SERBP1: variants seen among roughly 807,000 people sequenced by gnomAD.
The protein encoded by SERBP1 is SERPINE1 mRNA binding protein 1.
In SERBP1, 6 loss-of-function variants were observed where a neutral mutation model predicts 50.2. The ratio of observed to expected loss-of-function variants is 0.12; its 90% CI spans 0.07 to 0.24. The LOEUF is 0.24. Among genes scored for constraint, SERBP1 ranks in the 10% least tolerant of loss-of-function variants. SERBP1 has a pLI of 1.00. For synonymous variants in SERBP1, 168 were observed against 182.8 expected (o/e 0.92, Z 0.65); for missense variants, 346 against 524.9 (o/e 0.66, Z 3.33).
rs562946425 is a variant in SERBP1 at position 67,425,508 on chromosome 1, T to C, written c.465-285A>G. ...ACATATAATCCAGTCCATCACTATTTACCAATACACTTAAAAATTAAACAC... is the reference window on the plus strand; with the variant it reads ...ACATATAATCCAGTCCATCACTATTCACCAATACACTTAAAAATTAAACAC... On this transcript the variant is annotated intron_variant, in intron 2 of 7. Transcript: ENST00000361219. Among the ~76,000 whole-genome samples, 16 of 152,344 alleles carry C rather than the reference T, an allele frequency of 1.1e-4. No homozygotes were observed. The South Asian group carries it at 2.1e-3, about 20-fold the overall frequency.
At chr1:67,415,410 C>G in intron 6 of SERBP1, 71 bp from the exon 7 acceptor site, 5 of 1,415,030 alleles carry the variant, frequency 3.5e-6, no homozygotes, top group Non-Finnish European at 4.7e-6. Flanking sequence ...AAATAATGAG[C>G]TTTCTTCTAA....
rs543251799 is a variant in SERBP1, at chr1:67,422,940, C to T, written c.773+1260G>A. On this transcript the variant is annotated intron_variant, in intron 5 of 7. Coordinates refer to ENST00000361219, the MANE Select transcript of SERBP1 (RefSeq NM_001018069.2). ...AGCGCCACTGTTACTTCAGCCTGGGCAACAGAGCGAGAATGTCTCCAAACA... is the reference window on the plus strand; with the variant it reads ...AGCGCCACTGTTACTTCAGCCTGGGTAACAGAGCGAGAATGTCTCCAAACA... Among the ~76,000 whole-genome samples, 3 of 150,240 alleles carry T rather than the reference C, an allele frequency of 2.0e-5. No individual in the cohort carries two copies. In the East Asian group the frequency reaches 5.9e-4, roughly 30 times the overall value.
chr1:67,424,166 C>A (rs139574930), intron 5 of SERBP1, 34 bp downstream of exon 5: 1 of 1,572,602 alleles, frequency 6.4e-7, no homozygotes, highest in Non-Finnish European at 8.6e-7. Context: ...GCTTTCAATT[C>A]TGGGTCATTA....
At chr1:67,414,110 A>G (rs183205134) in intron 7 of SERBP1, among the ~76,000 whole-genome samples, 19 of 152,330 alleles carry the variant, frequency 1.2e-4, no homozygotes, top group Admixed American at 9.1e-4. Flanking sequence ...ACTTTTTCCA[A>G]TAAACCATAC....
chr1:67,421,278 C>G (rs17130001), intron 5 of SERBP1, among the ~76,000 whole-genome samples: 2,520 of 152,244 alleles, frequency 0.017, 72 homozygotes, highest in African/African-American at 0.058. Context: ...TGTTATGACA[C>G]AGCCAGGAAT....
At chr1:67,429,947 C>T in intron 1 of SERBP1, 41 bp downstream of exon 1, 2 of 1,533,124 alleles carry the variant, frequency 1.3e-6, no homozygotes, top group Non-Finnish European at 1.8e-6. Flanking sequence ...CTCGCTCCTT[C>T]CCTCCATCCC....
In SERBP1 at chr1:67,410,702, T is replaced by A. The variant is rs1243633916; in HGVS notation, c.*2505A>T. On this transcript the variant is annotated 3_prime_UTR_variant, in exon 8 of 8. Coordinates refer to ENST00000361219, the MANE Select transcript of SERBP1 (RefSeq NM_001018069.2). ...TAGGAATCTTTATCTGTTTAGGGAT[T>A]TTTCCCCTAGACTATTATAGCCAGT... is the stretch of plus-strand genomic sequence containing the variant. 3 of 152,146 alleles carry A rather than the reference T, an allele frequency of 2.0e-5. No homozygotes were observed. Among genetic ancestry groups the A allele is most frequent in the Non-Finnish European group, 4.4e-5 (3 of 68,010 alleles). The allele number at this position is 152,146 out of a possible 1,614,324, so 9.4% of individuals were successfully genotyped here. A position where few individuals can be genotyped will look rare whatever the true frequency, so the allele number is the denominator to read the frequency against.
chr1:67,417,545 C>G (rs1307788862), intron 6 of SERBP1, among the ~76,000 whole-genome samples: 1 of 151,460 alleles, frequency 6.6e-6, no homozygotes, highest in Non-Finnish European at 1.5e-5. Flanking sequence ...CAGTCTTGCT[C>G]TGTCAACTAG....
rs1361099568 is a variant in SERBP1, at chr1:67,430,153, C to T, written c.148G>A (p.Gly50Arg). The T allele has an allele frequency of 6.2e-7, 1 of 1,611,208 alleles. No individual in the cohort carries two copies. The highest frequency in any genetic ancestry group is 1.7e-5 in the Admixed American group (1 of 59,916). Reference sequence around the variant, plus strand: ...GCGGCCTGAGCTGCGCTCTTGGCCCCAGGGCCCCCAACGCCGCCCCCGCCG... The same window carrying T: ...GCGGCCTGAGCTGCGCTCTTGGCCCTAGGGCCCCCAACGCCGCCCCCGCCG... ...EAGGGGVGGP[G>R]AKSAAQAAAQ... The change falls in exon 1 of 8, where the codon GGG (glycine) becomes AGG (arginine). Residue 50 changes from glycine to arginine, a missense_variant. Physicochemically the swap from Gly to Arg is moderately radical, Grantham distance 125 (BLOSUM62 -2). Coordinates refer to ENST00000361219, the MANE Select transcript of SERBP1 (RefSeq NM_001018069.2).
intron 6 of SERBP1, among the ~76,000 whole-genome samples, chr1:67,418,488 T>C (rs2100422096): frequency 6.6e-6 from 1 of 152,264 alleles, no homozygotes; most frequent in East Asian, 1.9e-4. Context: ...CTGGGCATGG[T>C]GGCACACGCC....
At chr1:67,417,978 T>TG (rs946703422) in intron 6 of SERBP1, among the ~76,000 whole-genome samples, 1 of 138,216 alleles carries the variant, frequency 7.2e-6, no homozygotes. Context: ...GTTGTTTTTT[T>TG]TTTTTTTTTT....
chr1:67,418,344 T>G (rs1667093602), intron 6 of SERBP1, among the ~76,000 whole-genome samples: 2 of 152,154 alleles, frequency 1.3e-5, no homozygotes, highest in African/African-American at 4.8e-5. Context: ...CATTTACTAC[T>G]CATATGAAGT....
intron 6 of SERBP1, among the ~76,000 whole-genome samples, chr1:67,416,015 T>TC (rs1666994045): frequency 2.0e-5 from 3 of 149,732 alleles, no homozygotes; most frequent in Middle Eastern, 3.4e-3. Flanking sequence ...AGGAACCTTT[T>TC]TTTTTTTTTT....
chr1:67,429,500 G>C (rs562276411), intron 1 of SERBP1: 1 of 153,212 alleles, frequency 6.5e-6, no homozygotes, highest in South Asian at 2.0e-4. Flanking sequence ...GGGATACTCC[G>C]CGCCGTCGTG....
At position 67,409,734 on chromosome 1, in the gene SERBP1, G is replaced by A. The variant is rs1666767569; in HGVS notation, c.*3473C>T. On this transcript the variant is annotated 3_prime_UTR_variant, in exon 8 of 8. Transcript: ENST00000361219. ...AGAGGTAATCCCAGGGCACAGCTTA[G>A]GCCAAATAACCCAAATTTCTGGGAA... The A allele has an allele frequency of 6.6e-6, 1 of 152,112 alleles. No homozygotes were observed. The highest frequency in any genetic ancestry group is 1.5e-5 in the Non-Finnish European group (1 of 68,018). The allele number at this position is 152,112 out of a possible 1,614,324, so 9.4% of individuals were successfully genotyped here.
chr1:67,426,176 T>C lies in SERBP1; in HGVS notation c.423A>G (p.Pro141=), dbSNP rs771364919. The change falls in exon 2 of 8, where the codon CCA becomes CCG. Residue 141 remains proline (P), a synonymous_variant. Coordinates refer to ENST00000361219, the MANE Select transcript of SERBP1 (RefSeq NM_001018069.2). Reference sequence around the variant, plus strand: ...CGCCTCCTTCACCCTTTTCTTCAAGTGGCTTTTCGAATCTTCGTTCACGAG... The same window carrying C: ...CGCCTCCTTCACCCTTTTCTTCAAGCGGCTTTTCGAATCTTCGTTCACGAG... The part of the protein sequence containing the change: ...RPPRERRFEK[P]LEEKGEGGEF... 1 of 1,608,942 alleles carries C rather than the reference T, an allele frequency of 6.2e-7. No individual in the cohort carries two copies. The highest frequency in any genetic ancestry group is 8.5e-7 in the Non-Finnish European group (1 of 1,178,348).
intron 5 of SERBP1, among the ~76,000 whole-genome samples, chr1:67,422,444 A>T (rs1003265743): frequency 6.6e-6 from 1 of 151,584 alleles, no homozygotes; most frequent in Non-Finnish European, 1.5e-5. Context: ...CTGGAGGCAG[A>T]GGTTGCAGTG....
intron 6 of SERBP1, chr1:67,419,713 T>C: frequency 3.5e-6 from 1 of 287,478 alleles, no homozygotes; most frequent in Admixed American, 4.9e-5. Flanking sequence ...ACCACAACTT[T>C]GAAAAGAACT....
chr1:67,423,717 A>G (rs1570298764), intron 5 of SERBP1, among the ~76,000 whole-genome samples: 1 of 152,368 alleles, frequency 6.6e-6, no homozygotes. Context: ...TACATTGGAA[A>G]TAACTTCAAG....
Sources: gnomAD v4.1 joint callset for allele counts (sites outside exome capture counted in the v4.1 genomes callset) on GRCh38, gnomAD v4.1.1 for gene constraint, MANE v1.5 for transcripts, NCBI Gene and HGNC (gene_info 2026-07-23, HGNC 2026-07-21) for gene names.